TRPM2: variants seen among roughly 807,000 people sequenced by gnomAD.
TRPM2 encodes estrogen-responsive element-associated gene 1 protein.
In TRPM2, 161 loss-of-function variants were observed where a neutral mutation model predicts 174.0. The observed-to-expected ratio is 0.93, with a 90% CI of 0.81 to 1.05. The LOEUF is 1.05. Ranked by LOEUF, TRPM2 falls within the 50% of genes least tolerant of loss-of-function variation. The pLI is 0.00. For synonymous variants in TRPM2, 954 were observed against 861.3 expected, an observed-to-expected ratio of 1.11 and a Z score of -1.88; for missense variants, 2,057 against 2,038.0, an observed-to-expected ratio of 1.01 and a Z score of -0.18.
rs757441917 is a variant in TRPM2 at position 44,406,765 on chromosome 21, G to T, written c.2962G>T (p.Gly988Cys). The T allele has an allele frequency of 3.1e-6, 5 of 1,598,306 alleles. No homozygotes were observed. The highest frequency in any genetic ancestry group is 4.3e-6 in the Non-Finnish European group (5 of 1,174,588). ...IFGQIPGYID[G>C]VNFNPEHCSP... ...CGGGCAGATCCCGGGCTACATCGAC[G>T]GTAGGAGCCGGGCGCCATGGGAGCT... The change falls in exon 19 of 32, where the codon GGT (glycine) becomes TGT (cysteine). Residue 988 changes from glycine (G) to cysteine (C), a missense_variant and splice_region_variant. Coordinates refer to ENST00000397928, the MANE Select transcript of TRPM2 (RefSeq NM_003307.4).
intron 20 of TRPM2, chr21:44,416,690 C>A: frequency 5.1e-6 from 1 of 196,444 alleles, no homozygotes; most frequent in South Asian, 7.2e-5. Flanking sequence ...GGTCTGTGGG[C>A]TGAGTTCTGT....
chr21:44,403,724 GACAC>G (rs372134679), intron 16 of TRPM2, among the ~76,000 whole-genome samples: 1 of 145,062 alleles, frequency 6.9e-6, no homozygotes, highest in Non-Finnish European at 1.5e-5. Context: ...CATATGCATG[GACAC>G]ACATACATGC....
chr21:44,435,203 C>G lies in TRPM2; in HGVS notation c.4047C>G (p.Tyr1349Ter). 6.2e-7 allele frequency: 1 copy of G among 1,613,192 alleles called. No individual in the cohort carries two copies. ...GCTTCGGACCCAACCACACGCTGTA[C>G]CCCATGGTCACGCGGTGAGTTCATG... ...LSCFGPNHTL[Y>*]PMVTRWRRNE... The change falls in exon 28 of 32, where the codon TAC becomes TAG. Residue 1349 changes from tyrosine (Y) to a stop codon, truncating the protein, a stop_gained. Coordinates refer to ENST00000397928, the MANE Select transcript of TRPM2 (RefSeq NM_003307.4). LOFTEE classifies it high-confidence loss of function.
At chr21:44,371,014 C>T (rs557652682) in intron 5 of TRPM2, among the ~76,000 whole-genome samples, 3 of 152,366 alleles carry the variant, frequency 2.0e-5, no homozygotes. Context: ...CTGCTGTAAC[C>T]CAGGCTCACA....
At chr21:44,387,644 T>A (rs1392917575) in intron 9 of TRPM2, among the ~76,000 whole-genome samples, 1 of 152,102 alleles carries the variant, frequency 6.6e-6, no homozygotes, top group East Asian at 1.9e-4. Context: ...TTGCAAATCA[T>A]ACATATGGTA....
chr21:44,367,634 G>C lies in TRPM2; in HGVS notation c.604+700G>C, dbSNP rs1419905804. 1.3e-5 allele frequency among the ~76,000 whole-genome samples: 2 copies of C among 152,190 alleles called. No homozygotes were observed. Among genetic ancestry groups the C allele is most frequent in the Non-Finnish European group, 2.9e-5 (2 of 68,030 alleles). ...CCTGGGCCTCCCTGGAGGGGACTGT[G>C]GATGAATAGTGAGGCCCTGAGGTGA... On this transcript the variant is annotated intron_variant, in intron 4 of 31. Transcript: ENST00000397928. The surrounding 1 kb of genome is among the most constrained non-coding windows in gnomAD (Gnocchi z 4.6).
chr21:44,413,320 C>G (rs1453806578), intron 19 of TRPM2, among the ~76,000 whole-genome samples: 5 of 150,686 alleles, frequency 3.3e-5, no homozygotes, highest in Admixed American at 3.3e-4. Context: ...CTCACTGCAA[C>G]CTCCACCTCC....
rs956604315 is a variant in TRPM2 at position 44,427,162 on chromosome 21, G to C, written c.3974+51G>C. 8.9e-6 allele frequency: 13 copies of C among 1,455,630 alleles called. No homozygotes were observed. The African/African-American group carries it at 1.3e-4, about 14-fold the overall frequency. The allele number at this position is 1,455,630 out of a possible 1,614,324, so 90.2% of individuals were successfully genotyped here. ...CCCCGTCAGCCTTTGGGGTTTGCCT[G>C]GGGGGCAGGTTTCCTCTCTGGGCAA... On this transcript the variant is annotated intron_variant, in intron 27 of 31. Transcript: ENST00000397928.
intron 27 of TRPM2, among the ~76,000 whole-genome samples, chr21:44,429,583 G>A (rs1251782373): frequency 6.6e-6 from 1 of 151,572 alleles, no homozygotes; most frequent in African/African-American, 2.4e-5. Flanking sequence ...CACCATGCCT[G>A]GTGTATAACA....
chr21:44,425,045 A>G, intron 24 of TRPM2, 106 bp downstream of exon 24: 1 of 1,018,088 alleles, frequency 9.8e-7, no homozygotes, highest in South Asian at 1.6e-5. Context: ...TCTGTCCAGG[A>G]GGAAGGCACT....
intron 4 of TRPM2, 175 bp from the exon 5 acceptor site, chr21:44,369,002 C>T: frequency 1.6e-6 from 1 of 607,012 alleles, no homozygotes; most frequent in Admixed American, 3.2e-5. Context: ...CCCACCTGAG[C>T]GCGTGGGAAC....
At chr21:44,381,340 G>A (rs1459639135) in intron 8 of TRPM2, among the ~76,000 whole-genome samples, 4 of 152,010 alleles carry the variant, frequency 2.6e-5, no homozygotes, top group Non-Finnish European at 5.9e-5. Flanking sequence ...GTGCTTCAAG[G>A]AGGAGTAACT....
intron 28 of TRPM2, 110 bp from the exon 29 acceptor site, chr21:44,436,952 T>A: frequency 1.2e-6 from 1 of 854,936 alleles, no homozygotes; most frequent in Non-Finnish European, 1.8e-6. Context: ...GGTTTGAGCC[T>A]GCAGTGGGCC....
intron 29 of TRPM2, among the ~76,000 whole-genome samples, chr21:44,437,418 G>A (rs1262723081): frequency 1.3e-5 from 2 of 152,178 alleles, no homozygotes; most frequent in South Asian, 2.1e-4. Flanking sequence ...CACCTACTGT[G>A]TCCCAGGCAT....
chr21:44,425,226 G>A (rs2050713457), intron 24 of TRPM2: 1 of 439,862 alleles, frequency 2.3e-6, no homozygotes, highest in Non-Finnish European at 4.1e-6. Flanking sequence ...CAGAGTGGGG[G>A]TGCGAGGCGG....
At chr21:44,406,473 C>A in intron 18 of TRPM2, 121 bp from the exon 19 acceptor site, 1 of 1,256,182 alleles carries the variant, frequency 8.0e-7, no homozygotes, top group Non-Finnish European at 1.1e-6. Flanking sequence ...CTGGGAGCCT[C>A]CTGCATGCCG....
At chr21:44,382,058 G>A (rs529926991) in intron 8 of TRPM2, among the ~76,000 whole-genome samples, 27 of 152,022 alleles carry the variant, frequency 1.8e-4, no homozygotes, top group Non-Finnish European at 3.2e-4. Flanking sequence ...TGAATGGTTG[G>A]TAGGTGGGTG....
In TRPM2 at chr21:44,441,674, G is replaced by C; in HGVS notation, c.4387-18G>C. ...GCAGGGCTGGCGGGGAGGGTCAGCTGTGCCCTTGTTCTTCCAGAACCTGCA... is the reference window on the plus strand; with the variant it reads ...GCAGGGCTGGCGGGGAGGGTCAGCTCTGCCCTTGTTCTTCCAGAACCTGCA... On this transcript the variant is annotated intron_variant, in intron 31 of 31. Transcript: ENST00000397928. 1.9e-6 allele frequency: 3 copies of C among 1,601,468 alleles called. No individual in the cohort carries two copies. Among genetic ancestry groups the C allele is most frequent in the Non-Finnish European group, 2.6e-6 (3 of 1,174,174 alleles).
intron 5 of TRPM2, among the ~76,000 whole-genome samples, chr21:44,371,275 C>T (rs1363286150): frequency 6.7e-6 from 1 of 148,680 alleles, no homozygotes. Context: ...GTGGCCGCCT[C>T]CCTCCAGTGT....
Sources: allele counts gnomAD v4.1 joint callset (sites outside exome capture counted in the v4.1 genomes callset), GRCh38; gene constraint gnomAD v4.1.1; non-coding constraint Gnocchi (gnomAD v3.1); transcripts MANE v1.5; gene names NCBI Gene and HGNC (gene_info 2026-07-23, HGNC 2026-07-21).